ARPC3: variants seen among roughly 807,000 people sequenced by gnomAD.
The protein encoded by ARPC3 is actin-related protein 2/3 complex subunit 3.
ARPC3 carries 12 observed loss-of-function variants against 27.6 expected under a neutral mutation model. The ratio of observed to expected loss-of-function variants is 0.43; its 90% CI spans 0.28 to 0.70. The LOEUF (loss-of-function observed/expected upper bound fraction) is 0.70. Among genes scored for constraint, ARPC3 ranks in the 30% least tolerant of loss-of-function variants. ARPC3 has a pLI of 0.17. For missense variants in ARPC3, 153 were observed against 207.7 expected, an observed-to-expected ratio of 0.74 and a Z score of 1.62; for synonymous variants, 53 against 67.2, an observed-to-expected ratio of 0.79 and a Z score of 1.03.
chr12:110,445,226 T>C, intron 2 of ARPC3: 2 of 520,958 alleles, frequency 3.8e-6, no homozygotes, highest in South Asian at 4.2e-5. Flanking sequence ...ATTTCCTCCA[T>C]TTTCTCAAAA....
At chr12:110,438,696 T>C (rs1006578399) in intron 3 of ARPC3, among the ~76,000 whole-genome samples, 20 of 149,192 alleles carry the variant, frequency 1.3e-4, no homozygotes, top group Admixed American at 6.7e-5. Context: ...CAGGCTGGAG[T>C]GCAATGGCGT....
intron 1 of ARPC3, among the ~76,000 whole-genome samples, chr12:110,449,638 C>T (rs2062488655): frequency 6.6e-6 from 1 of 152,110 alleles, no homozygotes; most frequent in Admixed American, 6.5e-5. Flanking sequence ...AAATGGAGAC[C>T]ATGACGGTGA....
At chr12:110,441,583 T>G (rs1224270754) in intron 2 of ARPC3, among the ~76,000 whole-genome samples, 1 of 151,936 alleles carries the variant, frequency 6.6e-6, no homozygotes, top group Non-Finnish European at 1.5e-5. Flanking sequence ...CGGGCTGGAG[T>G]GCAGTGGTAC....
Position 110,440,367 on chromosome 12 carries a change from T to C in ARPC3, c.128A>G (p.Asp43Gly). Residue 43 changes from aspartate to glycine, a missense_variant, in exon 3 of 7, where the codon GAT becomes GGT. Physicochemically the swap from Asp to Gly is moderately conservative, Grantham distance 94 (BLOSUM62 -1). Coordinates refer to ENST00000228825, the MANE Select transcript of ARPC3 (RefSeq NM_001278556.2). Reference sequence around the variant, plus strand: ...GGCCTTGAAGTAATAGATGGCTTCATCCACAATATCTGTATCTTTTGCTAA... The same window carrying C: ...GGCCTTGAAGTAATAGATGGCTTCACCCACAATATCTGTATCTTTTGCTAA... ...PRETKDTDIV[D>G]EAIYYFKANV... 2 of 1,611,080 alleles carry C rather than the reference T, an allele frequency of 1.2e-6. No individual in the cohort carries two copies. The highest frequency in any genetic ancestry group is 1.7e-5 in the Admixed American group (1 of 59,994).
rs1481059509 is a variant in ARPC3 at position 110,437,115 on chromosome 12, T to C, written c.221A>G (p.Tyr74Cys). 6.2e-7 allele frequency: 1 copy of C among 1,603,088 alleles called. No homozygotes were observed. Among genetic ancestry groups the C allele is most frequent in the Admixed American group, 1.7e-5 (1 of 59,998 alleles). ...CAGTTTCTTCAGACATTCAGAAATG[T>C]AGAGAGTTATATATATCAAGGTCCT... ...ADRTLIYITL[Y>C]ISECLKKLQK... The change falls in exon 4 of 7, where the codon TAC (tyrosine) becomes TGC (cysteine). Residue 74 changes from tyrosine (Y) to cysteine (C), a missense_variant. By Grantham distance (194) the Tyr-to-Cys change is radical (BLOSUM62 -2). Coordinates refer to ENST00000228825, the MANE Select transcript of ARPC3 (RefSeq NM_001278556.2).
At chr12:110,440,587 C>T in intron 2 of ARPC3, 199 bp from the exon 3 acceptor site, 1 of 495,816 alleles carries the variant, frequency 2.0e-6, no homozygotes, top group East Asian at 3.9e-5. Context: ...CGCTCTGTCA[C>T]CCAGGCTGGA....
chr12:110,440,700 C>T (rs2062430957), intron 2 of ARPC3, among the ~76,000 whole-genome samples: 1 of 150,684 alleles, frequency 6.6e-6, no homozygotes, highest in African/African-American at 2.4e-5. Flanking sequence ...GCACCTGCCA[C>T]CACACCCCGC....
intron 2 of ARPC3, among the ~76,000 whole-genome samples, chr12:110,441,422 C>T (rs1342900516): frequency 1.3e-5 from 2 of 152,064 alleles, no homozygotes; most frequent in Admixed American, 1.3e-4. Flanking sequence ...TGAGCCACCA[C>T]CCCCGGATTT....
At chr12:110,442,381 A>G (rs1290801522) in intron 2 of ARPC3, among the ~76,000 whole-genome samples, 1 of 151,954 alleles carries the variant, frequency 6.6e-6, no homozygotes, top group Non-Finnish European at 1.5e-5. Flanking sequence ...GCTGAGGCGG[A>G]TGGATTGCCT....
At chr12:110,449,218 T>C (rs1271180451) in intron 1 of ARPC3, among the ~76,000 whole-genome samples, 1 of 152,182 alleles carries the variant, frequency 6.6e-6, no homozygotes, top group Non-Finnish European at 1.5e-5. Context: ...TATTTGCTGC[T>C]GTAAATACAG....
At chr12:110,446,287 CT>C (rs1380933743) in intron 1 of ARPC3, among the ~76,000 whole-genome samples, 3 of 147,996 alleles carry the variant, frequency 2.0e-5, no homozygotes, top group Middle Eastern at 3.3e-3. Flanking sequence ...CCACACCTGG[CT>C]ACTTCCTAAT....
At chr12:110,442,329 C>T (rs375446634) in intron 2 of ARPC3, among the ~76,000 whole-genome samples, 15 of 152,138 alleles carry the variant, frequency 9.9e-5, no homozygotes, top group East Asian at 3.9e-4. Flanking sequence ...AGTATTCAGT[C>T]GGGCGCAGTG....
At chr12:110,437,792 A>G (rs888911381) in intron 3 of ARPC3, among the ~76,000 whole-genome samples, 1 of 152,130 alleles carries the variant, frequency 6.6e-6, no homozygotes, top group African/African-American at 2.4e-5. Context: ...GAACTGCTCC[A>G]TATGGTTGGC....
intron 1 of ARPC3, among the ~76,000 whole-genome samples, chr12:110,447,579 C>T (rs771799777): frequency 6.6e-6 from 1 of 152,076 alleles, no homozygotes; most frequent in Non-Finnish European, 1.5e-5. Flanking sequence ...TCGAGACCAC[C>T]CTGACCAACA....
At chr12:110,440,788 C>T (rs567711604) in intron 2 of ARPC3, among the ~76,000 whole-genome samples, 6 of 150,712 alleles carry the variant, frequency 4.0e-5, no homozygotes, top group South Asian at 2.1e-4. Flanking sequence ...CCGCGTGATC[C>T]GCCCATCTCG....
chr12:110,449,863 C>T (rs1163682282), intron 1 of ARPC3, among the ~76,000 whole-genome samples: 2 of 152,126 alleles, frequency 1.3e-5, no homozygotes, highest in East Asian at 1.9e-4. Context: ...AGCCTGACCC[C>T]GGGGCGGAGG....
chr12:110,440,241 A>C (rs1024539110), intron 3 of ARPC3, 71 bp downstream of exon 3: 6 of 1,040,370 alleles, frequency 5.8e-6, no homozygotes, highest in Non-Finnish European at 9.0e-6. Context: ...TCCTCACAGC[A>C]ATCTGGATAG....
At chr12:110,446,966 C>T (rs568913864) in intron 1 of ARPC3, among the ~76,000 whole-genome samples, 15 of 152,270 alleles carry the variant, frequency 9.9e-5, no homozygotes, top group Middle Eastern at 3.4e-3. Context: ...GTTATTATTA[C>T]GAAATACTAA....
intron 2 of ARPC3, 69 bp downstream of exon 2, chr12:110,445,383 G>A (rs2062458560): frequency 8.0e-7 from 1 of 1,242,954 alleles, no homozygotes; most frequent in African/African-American, 1.5e-5. Flanking sequence ...GAATTTTTCT[G>A]ATTTGATCAT....
Sources: gnomAD v4.1 joint callset for allele counts (sites outside exome capture counted in the v4.1 genomes callset) on GRCh38, gnomAD v4.1.1 for gene constraint, MANE v1.5 for transcripts, NCBI Gene and HGNC (gene_info 2026-07-23, HGNC 2026-07-21) for gene names.